The following THBS2 variants were observed in gnomAD, a reference collection of about 807,000 sequenced individuals.
THBS2 encodes the protein thrombospondin 2.
A neutral mutation model predicts 135.2 loss-of-function variants in THBS2; 47 were observed. That is an observed-to-expected ratio of 0.35 (90% CI 0.28 to 0.44). THBS2 has a LOEUF of 0.44. Ranked by LOEUF, THBS2 falls within the 20% of genes least tolerant of loss-of-function variation. The probability of loss-of-function intolerance (pLI) is 1.00; values close to 1 mark genes in which losing one functional copy is unlikely to be tolerated. For missense variants in THBS2, 1,288 were observed against 1,603.1 expected (o/e 0.80, Z 3.36); for synonymous variants, 639 against 633.8 (o/e 1.01, Z -0.12).
Position 169,234,773 on chromosome 6 carries a change from G to C in THBS2, c.1612C>G (p.Gln538Glu). 1 of 1,608,276 alleles carries C rather than the reference G, an allele frequency of 6.2e-7. No homozygotes were observed. The highest frequency in any genetic ancestry group is 8.5e-7 in the Non-Finnish European group (1 of 1,176,324). Residue 538 changes from glutamine to glutamate, a missense_variant, in exon 10 of 22, where the codon CAG (glutamine) becomes GAG (glutamate). Transcript: ENST00000617924. ...CTCTTGTTGCACATCTGACGCTCCT[G>C]CACATCCCCCACGCAGGCCTTCCCT... ...YGGKACVGDV[Q>E]ERQMCNKRSC... is the part of the protein sequence containing the mutation.
In THBS2 at chr6:169,216,617, A is replaced by T. The variant is rs566848142; in HGVS notation, c.*1205T>A. The T allele has an allele frequency of 6.6e-6, 1 of 152,300 alleles. No individual in the cohort carries two copies. The highest frequency in any genetic ancestry group is 2.4e-5 in the African/African-American group (1 of 41,554). 9.4% of individuals were successfully genotyped at this position (152,300 alleles called of 1,614,324 possible). The stretch of plus-strand genomic sequence containing the variant: ...AACATTATATATTTAAGGTTCCATC[A>T]TAAACTCCTCATTATTCTCTATGTA... On this transcript the variant is annotated 3_prime_UTR_variant, in exon 22 of 22. Coordinates refer to ENST00000617924, the MANE Select transcript of THBS2 (RefSeq NM_003247.5).
chr6:169,226,779 C>T (rs561460988), intron 15 of THBS2, among the ~76,000 whole-genome samples: 25 of 152,206 alleles, frequency 1.6e-4, no homozygotes, highest in African/African-American at 5.8e-4. Context: ...ACTGAAGTTA[C>T]AAAAATATAA....
At chr6:169,250,690 T>G (rs1780721859) in intron 2 of THBS2, 43 bp downstream of exon 2, 2 of 1,584,682 alleles carry the variant, frequency 1.3e-6, no homozygotes, top group South Asian at 2.3e-5. Context: ...CTAAGCCATA[T>G]CTCACAAGCC....
rs747951923 is a variant in THBS2, at chr6:169,232,145, G to A, written c.1986C>T (p.His662=). The A allele has an allele frequency of 1.9e-6, 3 of 1,614,074 alleles. No homozygotes were observed. Among genetic ancestry groups the A allele is most frequent in the East Asian group, 2.2e-5 (1 of 44,876 alleles). The change falls in exon 13 of 22, where the codon CAC becomes CAT. Residue 662 remains histidine (H), a synonymous_variant. Transcript: ENST00000617924. Reference sequence around the variant, plus strand: ...AGTGGCCCAGGTAGATGCACTCCGCGTGCTTGTGGCAGTTGTGTGTCTTGT... The same window carrying A: ...AGTGGCCCAGGTAGATGCACTCCGCATGCTTGTGGCAGTTGTGTGTCTTGT... ...CKDKTHNCHK[H]AECIYLGHFS... is the part of the protein sequence containing the mutation.
At chr6:169,242,357 G>A (rs1015517939) in intron 4 of THBS2, among the ~76,000 whole-genome samples, 11 of 152,008 alleles carry the variant, frequency 7.2e-5, no homozygotes, top group Admixed American at 1.3e-4. Context: ...CAAAGCTTCC[G>A]ACCACAAATC....
In THBS2 at chr6:169,225,347, C is replaced by G. The variant is rs1031361260; in HGVS notation, c.2571G>C (p.Gln857His). 3.8e-6 allele frequency: 6 copies of G among 1,560,518 alleles called. No individual in the cohort carries two copies. Among genetic ancestry groups the G allele is most frequent in the Non-Finnish European group, 4.3e-6 (5 of 1,151,902 alleles). Residue 857 changes from glutamine (Q) to histidine (H), a missense_variant, in exon 17 of 22, where the codon CAG becomes CAC. Around this residue, in one of 2 missense-constraint regions of THBS2, gnomAD observed 874 missense variants for 1,156.1 expected, o/e 0.76. Transcript: ENST00000617924. ...CATCTATGTCCTCGTTGTTGTCACA[C>G]TGGTCCCCAACAAGGTCATTGTCCA... ...TDVDNDLVGD[Q>H]CDNNEDIDDD... is the part of the protein sequence containing the mutation.
At position 169,241,694 on chromosome 6, in the gene THBS2, G is replaced by T; in HGVS notation, c.891+68C>A. ...GCCAAGCCAGGGAATGTTGATACCT[G>T]CTGAGATGGGCCAGCGGCGGAGCTG... On this transcript the variant is annotated intron_variant, in intron 5 of 21. Coordinates refer to ENST00000617924, the MANE Select transcript of THBS2 (RefSeq NM_003247.5). The surrounding 1 kb of genome is among the most constrained non-coding windows in gnomAD (Gnocchi z 5.5). 1.3e-6 allele frequency: 2 copies of T among 1,488,540 alleles called. No homozygotes were observed. The highest frequency in any genetic ancestry group is 9.1e-7 in the Non-Finnish European group (1 of 1,093,248). 92.2% of individuals were successfully genotyped at this position (1,488,540 alleles called of 1,614,324 possible).
At position 169,228,538 on chromosome 6, in the gene THBS2, A is replaced by T. The variant is rs1325619188; in HGVS notation, c.2260-257T>A. Among the ~76,000 whole-genome samples the T allele has an allele frequency of 2.6e-5, 4 of 151,330 alleles. No homozygotes were observed. In the South Asian group the frequency reaches 8.4e-4, roughly 32 times the overall value. On this transcript the variant is annotated intron_variant, in intron 14 of 21. Transcript: ENST00000617924. ...GGCTCACACCTTTAATCCCAGCACT[A>T]TGGGAGGCTGAGGCGGGCGGATCAC...
chr6:169,225,089 G>A, intron 17 of THBS2, 56 bp downstream of exon 17: 1 of 1,540,534 alleles, frequency 6.5e-7, no homozygotes, highest in East Asian at 2.3e-5. Flanking sequence ...TCTCTGCCCT[G>A]GCGGGTTGCT....
intron 13 of THBS2, among the ~76,000 whole-genome samples, chr6:169,230,374 C>T (rs767755703): frequency 7.2e-5 from 11 of 152,148 alleles, no homozygotes; most frequent in African/African-American, 1.2e-4. Flanking sequence ...GTGTCATCCC[C>T]GTGGCTCAAA....
At chr6:169,247,041 A>T (rs1355461627) in intron 3 of THBS2, among the ~76,000 whole-genome samples, 1 of 152,204 alleles carries the variant, frequency 6.6e-6, no homozygotes, top group East Asian at 1.9e-4. Context: ...TTGCTCTCCC[A>T]TCATTTCGCT....
chr6:169,232,069 C>T lies in THBS2; in HGVS notation c.2062G>A (p.Gly688Arg), dbSNP rs773078012. ...CECQTGYAGDGLICGEDSDLD... is the reference protein window; with the variant it reads ...CECQTGYAGDRLICGEDSDLD... ...TCCGAGTCCTCCCCGCAGATGAGCCCGTCGCCCGCGTAGCCTGTCTGGCAC... is the reference window on the plus strand; with the variant it reads ...TCCGAGTCCTCCCCGCAGATGAGCCTGTCGCCCGCGTAGCCTGTCTGGCAC... Residue 688 changes from glycine (G) to arginine (R), a missense_variant, in exon 13 of 22, where the codon GGG becomes AGG. Physicochemically the swap from Gly to Arg is moderately radical, Grantham distance 125. Transcript: ENST00000617924. 2 of 1,614,082 alleles carry T rather than the reference C, an allele frequency of 1.2e-6. No individual in the cohort carries two copies. The highest frequency in any genetic ancestry group is 2.2e-5 in the South Asian group (2 of 91,084).
chr6:169,236,960 T>C (rs1005611380), intron 9 of THBS2, among the ~76,000 whole-genome samples: 1 of 152,254 alleles, frequency 6.6e-6, no homozygotes, highest in Non-Finnish European at 1.5e-5. Flanking sequence ...CAGAGGAGGT[T>C]TGCGCTGAGC....
intron 5 of THBS2, 28 bp from the exon 6 acceptor site, chr6:169,240,620 G>T (rs1254251671): frequency 1.2e-6 from 2 of 1,612,044 alleles, no homozygotes; most frequent in African/African-American, 1.3e-5. Context: ...ACATTTAAGT[G>T]TAGACAATAA....
intron 13 of THBS2, among the ~76,000 whole-genome samples, chr6:169,230,548 G>A (rs996485843): frequency 9.9e-5 from 15 of 152,190 alleles, no homozygotes; most frequent in Admixed American, 3.3e-4. Flanking sequence ...CCTGTGTGTC[G>A]GGTTAATATG....
At chr6:169,242,872 CCTTCCCACCACTCCCACCTTCCCAG>C (rs1780392023) in intron 4 of THBS2, among the ~76,000 whole-genome samples, 1 of 73,272 alleles carries the variant, frequency 1.4e-5, no homozygotes. Flanking sequence ...CACCTTCCCA[CCTTCCCACCACTCCCACCTTCCCAG>C]TGCTCCCATC....
chr6:169,236,054 CA>C (rs1429671489), intron 9 of THBS2, among the ~76,000 whole-genome samples: 2 of 124,650 alleles, frequency 1.6e-5, no homozygotes, highest in Admixed American at 7.8e-5. Flanking sequence ...CATCCACACT[CA>C]CTCCCCATCC....
chr6:169,232,720 A>T lies in THBS2; in HGVS notation c.1876T>A (p.Tyr626Asn). Residue 626 changes from tyrosine (Y) to asparagine (N), a missense_variant, in exon 12 of 22, where the codon TAC becomes AAC. By Grantham distance (143) the Tyr-to-Asn change is moderately radical (BLOSUM62 -2). Around this residue, in one of 2 missense-constraint regions of THBS2, gnomAD observed 874 missense variants for 1,156.1 expected, o/e 0.76. Transcript: ENST00000617924. Reference sequence around the variant, plus strand: ...ACCCCGACGGGCTGGTTCCCTCTGTATCGGGGCGGGCAGGGCAGGCAGTGG... The same window carrying T: ...ACCCCGACGGGCTGGTTCCCTCTGTTTCGGGGCGGGCAGGGCAGGCAGTGG... The part of the protein sequence containing the change: ...GFHCLPCPPR[Y>N]RGNQPVGVGL... 1 of 1,613,826 alleles carries T rather than the reference A, an allele frequency of 6.2e-7. No individual in the cohort carries two copies. The highest frequency in any genetic ancestry group is 2.2e-5 in the East Asian group (1 of 44,880).
intron 17 of THBS2, among the ~76,000 whole-genome samples, chr6:169,224,028 C>T (rs1356502859): frequency 6.6e-6 from 1 of 152,038 alleles, no homozygotes; most frequent in South Asian, 2.1e-4. Flanking sequence ...CTGGTGCAAA[C>T]AGGGGGACCA....
Sources: gnomAD v4.1 joint callset for allele counts (sites outside exome capture counted in the v4.1 genomes callset) on GRCh38, gnomAD v4.1.1 for gene constraint, gnomAD v4.1.1 regional missense constraint, Gnocchi (gnomAD v3.1) non-coding constraint, MANE v1.5 for transcripts, NCBI Gene and HGNC (gene_info 2026-07-23, HGNC 2026-07-21) for gene names.